PFKFB4: variants seen among roughly 807,000 people sequenced by gnomAD.
The protein encoded by PFKFB4 is 6-phosphofructo-2-kinase/fructose-2,6-biphosphatase 4.
PFKFB4 carries 42 observed loss-of-function variants against 62.8 expected under a neutral mutation model. That is an observed-to-expected ratio of 0.67 (90% CI 0.52 to 0.86). The LOEUF (loss-of-function observed/expected upper bound fraction) is 0.86. PFKFB4 is among the 40% of genes least tolerant of loss of function. PFKFB4 has a pLI of 0.00. For synonymous variants in PFKFB4, 204 were observed against 240.7 expected (o/e 0.85, Z 1.41); for missense variants, 475 against 627.2 (o/e 0.76, Z 2.59).
intron 9 of PFKFB4, among the ~76,000 whole-genome samples, chr3:48,532,783 C>T (rs1397670733): frequency 1.3e-5 from 2 of 152,132 alleles, no homozygotes; most frequent in East Asian, 3.9e-4. Flanking sequence ...GAGTTTGAGG[C>T]TGCAGTGATT....
chr3:48,539,411 C>G, intron 5 of PFKFB4, 101 bp from the exon 6 acceptor site: 1 of 1,038,940 alleles, frequency 9.6e-7, no homozygotes, highest in East Asian at 2.4e-5. Context: ...CCCTGAGGCC[C>G]ATGCTGACAA....
rs1332605729 is a variant in PFKFB4 at position 48,523,700 on chromosome 3, C to A, written c.1222+1G>T. 1 of 1,614,146 alleles carries A rather than the reference C, an allele frequency of 6.2e-7. No homozygotes were observed. The highest frequency in any genetic ancestry group is 8.5e-7 in the Non-Finnish European group (1 of 1,179,996). ...CACCTCCCCCGGGGCACAGCCCACA[C>A]CTGCTGCCTTGTCGAGGAAGTAGGC... On this transcript the variant is annotated splice_donor_variant, in intron 11 of 13. Transcript: ENST00000232375. LOFTEE classifies it high-confidence loss of function.
rs372708182 is a variant in PFKFB4 at position 48,536,324 on chromosome 3, C to A, written c.772G>T (p.Gly258Trp). The A allele has an allele frequency of 1.2e-6, 2 of 1,614,098 alleles. No homozygotes were observed. The highest frequency in any genetic ancestry group is 1.7e-6 in the Non-Finnish European group (2 of 1,180,042). ...CCCTTGAGGTTGAGCTCGCTCTCCC[C>A]GTGCCGGCAGAGGTAGATGGAGCGG... Reference protein sequence around the residue: ...TPRSIYLCRHGESELNLKGRI... With the variant: ...TPRSIYLCRHWESELNLKGRI... The change falls in exon 8 of 14, where the codon GGG (glycine) becomes TGG (tryptophan). Residue 258 changes from glycine to tryptophan, a missense_variant. Physicochemically the swap from Gly to Trp is radical, Grantham distance 184 (BLOSUM62 -2). Coordinates refer to ENST00000232375, the MANE Select transcript of PFKFB4 (RefSeq NM_004567.4).
At chr3:48,544,103 CCA>C (rs1178217501) in intron 3 of PFKFB4, among the ~76,000 whole-genome samples, 4 of 151,338 alleles carry the variant, frequency 2.6e-5, no homozygotes, top group Admixed American at 2.6e-4. Flanking sequence ...CAACTTCTAC[CCA>C]GTTTCAAGCA....
At chr3:48,520,625 G>A (rs1205801832) in intron 13 of PFKFB4, among the ~76,000 whole-genome samples, 1 of 152,218 alleles carries the variant, frequency 6.6e-6, no homozygotes, top group African/African-American at 2.4e-5. Flanking sequence ...GAATTGTAGG[G>A]GCAGGTATAA....
chr3:48,530,080 C>A (rs2042385234), intron 9 of PFKFB4, among the ~76,000 whole-genome samples: 1 of 152,044 alleles, frequency 6.6e-6, no homozygotes, highest in Non-Finnish European at 1.5e-5. Context: ...TGGTGAAACC[C>A]TGTCTCTACT....
chr3:48,550,991 A>G (rs1217961841), intron 1 of PFKFB4, among the ~76,000 whole-genome samples: 1 of 152,182 alleles, frequency 6.6e-6, no homozygotes, highest in African/African-American at 2.4e-5. Flanking sequence ...AAGGACCACA[A>G]GGGGTTGAGA....
intron 3 of PFKFB4, among the ~76,000 whole-genome samples, chr3:48,544,240 T>G (rs993943527): frequency 2.6e-5 from 4 of 151,918 alleles, no homozygotes; most frequent in Admixed American, 6.6e-5. Context: ...ATGTCAGGAG[T>G]TGGTGGTGGG....
At chr3:48,545,417 C>T (rs995583376) in intron 3 of PFKFB4, among the ~76,000 whole-genome samples, 3 of 152,200 alleles carry the variant, frequency 2.0e-5, no homozygotes, top group Admixed American at 6.5e-5. Context: ...CAAGCTTGAG[C>T]CACAGTGCCC....
chr3:48,556,273 C>T lies in PFKFB4; in HGVS notation c.97+408G>A, dbSNP rs946157327. On this transcript the variant is annotated intron_variant, in intron 1 of 13. Transcript: ENST00000232375. This position sits in a 1 kb window ranked among gnomAD's most constrained non-coding sequence, Gnocchi z 5.7. ...GCCAAGTAATTCACCTAGGGCCACA[C>T]AGCTCAGTTCCAGTCCAACAACCCG... 2.1e-6 allele frequency: 1 copy of T among 483,378 alleles called. No homozygotes were observed. Among genetic ancestry groups the T allele is most frequent in the Non-Finnish European group, 4.1e-6 (1 of 244,798 alleles). 29.9% of individuals were successfully genotyped at this position (483,378 alleles called of 1,614,324 possible).
intron 3 of PFKFB4, among the ~76,000 whole-genome samples, chr3:48,547,010 T>G (rs2042984539): frequency 6.6e-6 from 1 of 152,228 alleles, no homozygotes; most frequent in South Asian, 2.1e-4. Flanking sequence ...GATTTTGCTT[T>G]GTGTCATTTT....
chr3:48,551,997 G>A (rs1469029623), intron 1 of PFKFB4, among the ~76,000 whole-genome samples: 1 of 152,168 alleles, frequency 6.6e-6, no homozygotes, highest in Non-Finnish European at 1.5e-5. Flanking sequence ...GGTTCTGCAA[G>A]TGCCTTCACC....
chr3:48,549,484 C>T (rs1344130816), intron 3 of PFKFB4, among the ~76,000 whole-genome samples: 1 of 152,054 alleles, frequency 6.6e-6, no homozygotes, highest in African/African-American at 2.4e-5. Flanking sequence ...CGAGCGTGAC[C>T]TCCAGGCAGC....
At position 48,556,706 on chromosome 3, in the gene PFKFB4, G is replaced by A; in HGVS notation, c.72C>T (p.Pro24=). ...CACCGCGCTGGCAAGCGTGCAGAGC[G>A]GGCCGCCCATTGCTGTATGGCATCC... ...KIWMPYSNGR[P]ALHACQRGVC... Residue 24 remains proline, a synonymous_variant, in exon 1 of 14, where the codon CCC becomes CCT. Transcript: ENST00000232375. The surrounding 1 kb of genome is among the most constrained non-coding windows in gnomAD (Gnocchi z 5.7). 6.2e-7 allele frequency: 1 copy of A among 1,610,296 alleles called. No individual in the cohort carries two copies. Among genetic ancestry groups the A allele is most frequent in the Non-Finnish European group, 8.5e-7 (1 of 1,178,270 alleles).
intron 12 of PFKFB4, 135 bp downstream of exon 12, chr3:48,523,402 G>C (rs1260973005): frequency 2.4e-6 from 2 of 835,206 alleles, no homozygotes; most frequent in Non-Finnish European, 3.9e-6. Flanking sequence ...AAAGCAAATT[G>C]GGAAAGGTGG....
intron 12 of PFKFB4, among the ~76,000 whole-genome samples, chr3:48,522,540 C>T (rs1373881102): frequency 6.6e-6 from 1 of 152,146 alleles, no homozygotes; most frequent in South Asian, 2.1e-4. Context: ...AGAGCTAAGA[C>T]CTGAGAGATG....
At chr3:48,541,449 A>T (rs547797113) in intron 4 of PFKFB4, among the ~76,000 whole-genome samples, 39 of 151,396 alleles carry the variant, frequency 2.6e-4, no homozygotes, top group South Asian at 1.3e-3. Context: ...TAATTTAAAA[A>T]TTTTTCTGTA....
rs2107425192 is a variant in PFKFB4, at chr3:48,518,820, G to T, written c.*927C>A. On this transcript the variant is annotated 3_prime_UTR_variant, in exon 14 of 14. Coordinates refer to ENST00000232375, the MANE Select transcript of PFKFB4 (RefSeq NM_004567.4). ...CAGTGTACATTCCTGTGTGGACACG[G>T]GCAGCAACAGGGGAGAGGCCGCCTC... The T allele has an allele frequency of 6.6e-6, 1 of 152,350 alleles. No homozygotes were observed. Among genetic ancestry groups the T allele is most frequent in the South Asian group, 2.1e-4 (1 of 4,828 alleles). 9.4% of individuals were successfully genotyped at this position (152,350 alleles called of 1,614,324 possible).
chr3:48,523,737 G>A lies in PFKFB4; in HGVS notation c.1186C>T (p.Arg396Cys), dbSNP rs756641947. Residue 396 changes from arginine (R) to cysteine (C), a missense_variant, in exon 11 of 14, where the codon CGC (arginine) becomes TGC (cysteine). Physicochemically the swap from Arg to Cys is radical, Grantham distance 180. Transcript: ENST00000232375. ...VLVICHQAVMRCLLAYFLDKA... is the reference protein window; with the variant it reads ...VLVICHQAVMCCLLAYFLDKA... ...TCGAGGAAGTAGGCCAGCAGGCAGCGCATCACAGCCTGGTGGCAGATGACC... is the reference window on the plus strand; with the variant it reads ...TCGAGGAAGTAGGCCAGCAGGCAGCACATCACAGCCTGGTGGCAGATGACC... 9.3e-6 allele frequency: 15 copies of A among 1,614,160 alleles called. No individual in the cohort carries two copies. The highest frequency in any genetic ancestry group is 4.5e-5 in the East Asian group (2 of 44,876).
Sources: allele counts gnomAD v4.1 joint callset (sites outside exome capture counted in the v4.1 genomes callset), GRCh38; gene constraint gnomAD v4.1.1; non-coding constraint Gnocchi (gnomAD v3.1); transcripts MANE v1.5; gene names NCBI Gene and HGNC (gene_info 2026-07-23, HGNC 2026-07-21).